Variants in NPHP4 observed in about 807,000 individuals in gnomAD.
The protein encoded by NPHP4 is nephrocystin 4.
NPHP4 carries 151 observed loss-of-function variants against 155.8 expected under a neutral mutation model. That is an observed-to-expected ratio of 0.97 (90% CI 0.85 to 1.11). The LOEUF (loss-of-function observed/expected upper bound fraction) is 1.11. Among genes scored for constraint, NPHP4 ranks in the 50% least tolerant of loss-of-function variants. The probability of loss-of-function intolerance (pLI) is 0.00; values close to 1 mark genes in which losing one functional copy is unlikely to be tolerated. For synonymous variants in NPHP4, 845 were observed against 816.8 expected, an observed-to-expected ratio of 1.03 and a Z score of -0.59; for missense variants, 1,956 against 1,925.7, an observed-to-expected ratio of 1.02 and a Z score of -0.29.
chr1:5,903,554 T>C (rs1644774103), intron 16 of NPHP4, among the ~76,000 whole-genome samples: 1 of 152,050 alleles, frequency 6.6e-6, no homozygotes, highest in African/African-American at 2.4e-5. Flanking sequence ...ACATGTCAGG[T>C]GTGTTTCTAT....
At chr1:5,938,621 G>A (rs959716472) in intron 9 of NPHP4, among the ~76,000 whole-genome samples, 16 of 152,232 alleles carry the variant, frequency 1.1e-4, no homozygotes, top group Middle Eastern at 3.2e-3. Flanking sequence ...CAGGCTGTGC[G>A]CTGTCATTTA....
intron 6 of NPHP4, among the ~76,000 whole-genome samples, chr1:5,957,820 A>T (rs556197446): frequency 6.6e-6 from 1 of 152,386 alleles, no homozygotes; most frequent in African/African-American, 2.4e-5. Context: ...TGATTTAAGC[A>T]GGAATGAAAA....
In NPHP4 at chr1:5,927,747, G is replaced by A. The variant is rs367909950; in HGVS notation, c.1343C>T (p.Ser448Leu). The A allele has an allele frequency of 1.7e-5, 28 of 1,613,224 alleles. No individual in the cohort carries two copies. The highest frequency in any genetic ancestry group is 2.2e-5 in the Non-Finnish European group (26 of 1,179,448). Reference sequence around the variant, plus strand: ...ATCCAGGTGTTCTTCTGAGCCCAGCGAGAACTGGAACCGGAGTGTACCCGA... The same window carrying A: ...ATCCAGGTGTTCTTCTGAGCCCAGCAAGAACTGGAACCGGAGTGTACCCGA... ...VESGTLRFQF[S>L]LGSEEHLDAP... The change falls in exon 11 of 30, where the codon TCG (serine) becomes TTG (leucine). Residue 448 changes from serine (S) to leucine (L), a missense_variant. Ser to Leu is a moderately radical substitution (Grantham distance 145). Coordinates refer to ENST00000378156, the MANE Select transcript of NPHP4 (RefSeq NM_015102.5).
At chr1:5,963,693 T>TC (rs1650806113) in intron 5 of NPHP4, among the ~76,000 whole-genome samples, 1 of 148,840 alleles carries the variant, frequency 6.7e-6, no homozygotes, top group Admixed American at 6.6e-5. Context: ...TCTTTTCTTT[T>TC]TTTTTTTTTT....
intron 29 of NPHP4, 129 bp downstream of exon 29, chr1:5,863,761 T>C: frequency 1.0e-6 from 1 of 995,738 alleles, no homozygotes; most frequent in African/African-American, 1.6e-5. Flanking sequence ...GGATGGTACC[T>C]GTCACCGCCC....
intron 5 of NPHP4, among the ~76,000 whole-genome samples, chr1:5,962,280 A>G (rs1383719232): frequency 6.6e-6 from 1 of 152,148 alleles, no homozygotes. Flanking sequence ...CCAGGGCTCA[A>G]GTGATCCTCC....
Position 5,952,696 on chromosome 1 carries a change from A to G in NPHP4, c.810+4T>C. ...TGCCCCCCATCACGCTTCTGACTCC[A>G]CACCTCCTGGAAGTGGTCCTGGACG... On this transcript the variant is annotated splice_donor_region_variant and intron_variant, in intron 7 of 29. Transcript: ENST00000378156. 1.3e-6 allele frequency: 2 copies of G among 1,531,684 alleles called. No homozygotes were observed. Among genetic ancestry groups the G allele is most frequent in the Non-Finnish European group, 8.8e-7 (1 of 1,136,590 alleles). 94.9% of individuals were successfully genotyped at this position (1,531,684 alleles called of 1,614,324 possible).
chr1:5,976,216 G>A (rs947765895), intron 3 of NPHP4, among the ~76,000 whole-genome samples: 1 of 152,142 alleles, frequency 6.6e-6, no homozygotes, highest in Non-Finnish European at 1.5e-5. Flanking sequence ...ATAAGCTGGT[G>A]GAGTTATTCC....
At chr1:5,974,484 G>A (rs1653164853) in intron 3 of NPHP4, among the ~76,000 whole-genome samples, 1 of 152,124 alleles carries the variant, frequency 6.6e-6, no homozygotes, top group African/African-American at 2.4e-5. Context: ...AACTGCACAG[G>A]ACCGTGGCCT....
At chr1:5,902,899 A>T (rs1244203011) in intron 16 of NPHP4, among the ~76,000 whole-genome samples, 3 of 152,236 alleles carry the variant, frequency 2.0e-5, no homozygotes, top group African/African-American at 7.2e-5. Flanking sequence ...GAGTGGTTGT[A>T]GGGGAGGGAG....
intron 2 of NPHP4, among the ~76,000 whole-genome samples, chr1:5,980,482 G>C (rs1393341669): frequency 3.9e-5 from 6 of 152,252 alleles, no homozygotes; most frequent in African/African-American, 1.2e-4. Flanking sequence ...CATGCAGGGA[G>C]GCCAGGGAGA....
intron 16 of NPHP4, among the ~76,000 whole-genome samples, chr1:5,902,628 TTCTG>T (rs1301178929): frequency 4.6e-5 from 7 of 152,344 alleles, no homozygotes; most frequent in East Asian, 1.9e-4. Flanking sequence ...ACTGGGTTTG[TTCTG>T]TCTTTCTCCC....
chr1:5,938,676 G>C (rs1164142316), intron 9 of NPHP4, among the ~76,000 whole-genome samples: 1 of 152,192 alleles, frequency 6.6e-6, no homozygotes, highest in Non-Finnish European at 1.5e-5. Flanking sequence ...GAAAAACAAA[G>C]CGCAGCTGGC....
At chr1:5,868,937 CCCA>C (rs1172668976) in intron 23 of NPHP4, among the ~76,000 whole-genome samples, 1 of 148,696 alleles carries the variant, frequency 6.7e-6, no homozygotes, top group African/African-American at 2.5e-5. Context: ...CATGCATGCA[CCCA>C]CATGCACACA....
intron 4 of NPHP4, among the ~76,000 whole-genome samples, chr1:5,968,402 G>C (rs943762727): frequency 2.6e-5 from 4 of 152,136 alleles, no homozygotes; most frequent in Non-Finnish European, 5.9e-5. Flanking sequence ...AGGAGTTCAA[G>C]ACCAGCCTGG....
intron 4 of NPHP4, among the ~76,000 whole-genome samples, chr1:5,968,084 G>A (rs773068351): frequency 2.0e-5 from 3 of 151,590 alleles, no homozygotes; most frequent in African/African-American, 4.8e-5. Flanking sequence ...AAAACACATC[G>A]CTCAATATTC....
intron 6 of NPHP4, among the ~76,000 whole-genome samples, chr1:5,955,589 C>T (rs895727062): frequency 1.3e-5 from 2 of 152,252 alleles, no homozygotes; most frequent in African/African-American, 2.4e-5. Flanking sequence ...CTTGCGACAA[C>T]ACAACATGAA....
intron 25 of NPHP4, 119 bp downstream of exon 25, chr1:5,866,911 G>A: frequency 1.3e-6 from 1 of 768,946 alleles, no homozygotes; most frequent in Non-Finnish European, 2.3e-6. Flanking sequence ...CCTTGGGAAA[G>A]AAACCACTTA....
intron 9 of NPHP4, among the ~76,000 whole-genome samples, chr1:5,933,845 A>T (rs1185540512): frequency 6.6e-6 from 1 of 152,210 alleles, no homozygotes; most frequent in Non-Finnish European, 1.5e-5. Context: ...CCAGCTTACA[A>T]TAGCACATTT....
Sources: allele counts gnomAD v4.1 joint callset (sites outside exome capture counted in the v4.1 genomes callset), GRCh38; gene constraint gnomAD v4.1.1; transcripts MANE v1.5; gene names NCBI Gene and HGNC (gene_info 2026-07-23, HGNC 2026-07-21).